ARL5A: variants seen among roughly 807,000 people sequenced by gnomAD.
ARL5A encodes ADP-ribosylation factor-like protein 5A.
A neutral mutation model predicts 25.9 loss-of-function variants in ARL5A; 18 were observed. The ratio of observed to expected loss-of-function variants is 0.69; its 90% CI spans 0.48 to 1.03. The LOEUF is 1.03. Among genes scored for constraint, ARL5A ranks in the 50% least tolerant of loss-of-function variants. The pLI is 0.00. For synonymous variants in ARL5A, 61 were observed against 67.5 expected, an observed-to-expected ratio of 0.90 and a Z score of 0.47; for missense variants, 170 against 211.9, an observed-to-expected ratio of 0.80 and a Z score of 1.23.
rs752613192 is a variant in ARL5A, at chr2:151,828,272, G to A, written c.-96C>T. The A allele has an allele frequency of 3.6e-6, 4 of 1,101,988 alleles. No homozygotes were observed. The highest frequency in any genetic ancestry group is 5.3e-6 in the Non-Finnish European group (4 of 757,554). 68.3% of individuals were successfully genotyped at this position (1,101,988 alleles called of 1,614,324 possible). A position where few individuals can be genotyped will look rare whatever the true frequency, so the allele number is the denominator to read the frequency against. On this transcript the variant is annotated 5_prime_UTR_variant, in exon 1 of 6. Transcript: ENST00000295087. ...AGGAGAGAGACGCGCTGGAGCCTCC[G>A]CCTCTGCTGCTGCTCCCGCGCTGGT...
At chr2:151,810,876 T>C (rs2099830749) in intron 4 of ARL5A, among the ~76,000 whole-genome samples, 1 of 152,002 alleles carries the variant, frequency 6.6e-6, no homozygotes, top group Non-Finnish European at 1.5e-5. Context: ...TTTTCCAAAG[T>C]CTTCATAAAA....
chr2:151,799,269 TC>T lies in ARL5A; in HGVS notation c.*4006del, dbSNP rs1214534245. The T allele has an allele frequency of 6.6e-6, 1 of 152,236 alleles. No individual in the cohort carries two copies. The highest frequency in any genetic ancestry group is 2.4e-5 in the African/African-American group (1 of 41,456). 9.4% of individuals were successfully genotyped at this position (152,236 alleles called of 1,614,324 possible). A position where few individuals can be genotyped will look rare whatever the true frequency, so the allele number is the denominator to read the frequency against. On this transcript the variant is annotated 3_prime_UTR_variant, in exon 6 of 6. Coordinates refer to ENST00000295087, the MANE Select transcript of ARL5A (RefSeq NM_012097.4). ...TATTTCGATGTCTTTAAAGCCCATT[TC>T]AACAGGTTTATTTTTTAAGGATAGG...
In ARL5A at chr2:151,828,390, T is replaced by G. The variant is rs2099833394; in HGVS notation, c.-214A>C. The G allele has an allele frequency of 7.3e-6, 3 of 410,766 alleles. No homozygotes were observed. The highest frequency in any genetic ancestry group is 1.3e-5 in the Non-Finnish European group (3 of 234,538). The allele number at this position is 410,766 out of a possible 1,614,324, so 25.4% of individuals were successfully genotyped here. On this transcript the variant is annotated 5_prime_UTR_variant, in exon 1 of 6. Coordinates refer to ENST00000295087, the MANE Select transcript of ARL5A (RefSeq NM_012097.4). ...CGCCGCTGCCGCCGCGGCACTCGCC[T>G]GGCTCGCGGACATCGCCGCCGCGTT...
At chr2:151,809,004 C>T (rs1317319634) in intron 4 of ARL5A, among the ~76,000 whole-genome samples, 2 of 152,126 alleles carry the variant, frequency 1.3e-5, no homozygotes, top group Admixed American at 6.6e-5. Context: ...GCAAAGATAG[C>T]GCCACTGCAC....
chr2:151,815,302 T>C (rs2099831349), intron 1 of ARL5A, 103 bp from the exon 2 acceptor site: 2 of 892,526 alleles, frequency 2.2e-6, no homozygotes, highest in East Asian at 2.6e-5. Context: ...ATCTATGGCA[T>C]AATTCAGTGC....
At chr2:151,812,487 C>G (rs769633262) in intron 3 of ARL5A, 47 bp from the exon 4 acceptor site, 12 of 1,279,460 alleles carry the variant, frequency 9.4e-6, no homozygotes, top group Non-Finnish European at 1.3e-5. Flanking sequence ...AATTTGGTAT[C>G]TGTAAAATTT....
chr2:151,804,001 T>C (rs1465632104), intron 5 of ARL5A, among the ~76,000 whole-genome samples: 1 of 152,116 alleles, frequency 6.6e-6, no homozygotes, highest in African/African-American at 2.4e-5. Context: ...TGATGAAATA[T>C]TTAAAATTTT....
At chr2:151,820,430 C>T (rs1474157757) in intron 1 of ARL5A, among the ~76,000 whole-genome samples, 2 of 152,014 alleles carry the variant, frequency 1.3e-5, no homozygotes, top group African/African-American at 2.4e-5. Flanking sequence ...GGGGCTGAGG[C>T]GGGTGGATCA....
At chr2:151,827,045 T>C (rs2099833157) in intron 1 of ARL5A, among the ~76,000 whole-genome samples, 1 of 152,192 alleles carries the variant, frequency 6.6e-6, no homozygotes, top group Non-Finnish European at 1.5e-5. Context: ...GTGGTAGTAG[T>C]AGGTGTACAT....
At chr2:151,815,528 C>T (rs2151294902) in intron 1 of ARL5A, among the ~76,000 whole-genome samples, 1 of 152,274 alleles carries the variant, frequency 6.6e-6, no homozygotes, top group Middle Eastern at 3.4e-3. Flanking sequence ...TTACAAATGA[C>T]TTAAAGTATA....
In ARL5A at chr2:151,803,194, T is replaced by C; in HGVS notation, c.*82A>G. ...TTTAAATCAGTTTATTATAAATATATCTAAACCATTAATTTTTGCAGCTTT... is the reference window on the plus strand; with the variant it reads ...TTTAAATCAGTTTATTATAAATATACCTAAACCATTAATTTTTGCAGCTTT... On this transcript the variant is annotated 3_prime_UTR_variant, in exon 6 of 6. Transcript: ENST00000295087. 3 of 956,476 alleles carry C rather than the reference T, an allele frequency of 3.1e-6. No homozygotes were observed. Among genetic ancestry groups the C allele is most frequent in the South Asian group, 3.0e-5 (2 of 66,988 alleles). The allele number at this position is 956,476 out of a possible 1,614,324, so 59.2% of individuals were successfully genotyped here.
At chr2:151,827,776 C>A (rs1402214470) in intron 1 of ARL5A, 2 of 306,808 alleles carry the variant, frequency 6.5e-6, no homozygotes, top group Non-Finnish European at 1.2e-5. Flanking sequence ...GGTGTCCAAA[C>A]ACAACTGGTG....
chr2:151,814,041 T>G, intron 3 of ARL5A, 128 bp downstream of exon 3: 1 of 812,132 alleles, frequency 1.2e-6, no homozygotes, highest in Non-Finnish European at 1.8e-6. Flanking sequence ...AATCAGATTT[T>G]ACTCTGCTTA....
chr2:151,818,953 T>C (rs1471103599), intron 1 of ARL5A, among the ~76,000 whole-genome samples: 5 of 152,128 alleles, frequency 3.3e-5, no homozygotes, highest in Non-Finnish European at 7.3e-5. Flanking sequence ...TCCCCCAATG[T>C]ATTAGCTACG....
chr2:151,811,465 T>C (rs1219725580), intron 4 of ARL5A, among the ~76,000 whole-genome samples: 1 of 152,124 alleles, frequency 6.6e-6, no homozygotes, highest in African/African-American at 2.4e-5. Flanking sequence ...TATAATGTTA[T>C]AGTTATCAAG....
intron 4 of ARL5A, among the ~76,000 whole-genome samples, chr2:151,810,192 A>C (rs1291439033): frequency 2.6e-5 from 4 of 152,232 alleles, no homozygotes; most frequent in Admixed American, 2.6e-4. Context: ...TTTAAAATTA[A>C]TGAGTTCTAA....
At position 151,803,162 on chromosome 2, in the gene ARL5A, GAA is replaced by G. The variant is rs2099829655; in HGVS notation, c.*112_*113del. Reference sequence around the variant, plus strand: ...AGTGGTCTTAATTTTTCTTCTTATAGAAAAAGTTTAAATCAGTTTATTATAAA... The same window carrying G: ...AGTGGTCTTAATTTTTCTTCTTATAGAAAGTTTAAATCAGTTTATTATAAA... On this transcript the variant is annotated 3_prime_UTR_variant, in exon 6 of 6. Coordinates refer to ENST00000295087, the MANE Select transcript of ARL5A (RefSeq NM_012097.4). 5 of 644,384 alleles carry G rather than the reference GAA, an allele frequency of 7.8e-6. No individual in the cohort carries two copies. The highest frequency in any genetic ancestry group is 7.1e-5 in the Admixed American group (2 of 28,220). The allele number at this position is 644,384 out of a possible 1,614,324, so 39.9% of individuals were successfully genotyped here.
In ARL5A at chr2:151,828,238, C is replaced by A; in HGVS notation, c.-62G>T. The A allele has an allele frequency of 1.3e-6, 2 of 1,495,322 alleles. No homozygotes were observed. The highest frequency in any genetic ancestry group is 1.9e-6 in the Non-Finnish European group (2 of 1,080,880). The allele number at this position is 1,495,322 out of a possible 1,614,324, so 92.6% of individuals were successfully genotyped here. A position where few individuals can be genotyped will look rare whatever the true frequency, so the allele number is the denominator to read the frequency against. ...GCCGCCTGGCTTCCCCCGGCTCAGG[C>A]TGAGGGGGAGGAGAGAGACGCGCTG... On this transcript the variant is annotated 5_prime_UTR_variant, in exon 1 of 6. Coordinates refer to ENST00000295087, the MANE Select transcript of ARL5A (RefSeq NM_012097.4).
Position 151,814,322 on chromosome 2 carries a change from GA to G in ARL5A, c.108-7del, listed in dbSNP as rs745849401. ...GTACAACTTCATTCATAGAACTGGG[GA>G]AAAAAGTTTATATACATTACAATTA... On this transcript the variant is annotated splice_polypyrimidine_tract_variant and splice_region_variant and intron_variant, in intron 2 of 5. Coordinates refer to ENST00000295087, the MANE Select transcript of ARL5A (RefSeq NM_012097.4). The G allele has an allele frequency of 2.6e-6, 4 of 1,519,422 alleles. No individual in the cohort carries two copies. Among genetic ancestry groups the G allele is most frequent in the Admixed American group, 2.3e-5 (1 of 43,464 alleles). The allele number at this position is 1,519,422 out of a possible 1,614,324, so 94.1% of individuals were successfully genotyped here.
Sources: gnomAD v4.1 joint callset for allele counts (sites outside exome capture counted in the v4.1 genomes callset) on GRCh38, gnomAD v4.1.1 for gene constraint, MANE v1.5 for transcripts, NCBI Gene and HGNC (gene_info 2026-07-23, HGNC 2026-07-21) for gene names.